The following SUN3 variants were observed in gnomAD, a reference collection of about 807,000 sequenced individuals.
The protein encoded by SUN3 is Sad1 and UNC84 domain containing 3, also known as SUN domain-containing protein 3.
A neutral mutation model predicts 48.2 loss-of-function variants in SUN3; 36 were observed. The observed-to-expected ratio is 0.75, with a 90% confidence interval of 0.57 to 0.99. The LOEUF is 0.99. SUN3 is among the 50% of genes least tolerant of loss of function. The pLI, the probability that SUN3 is intolerant of heterozygous loss-of-function variation, is 0.00. For synonymous variants in SUN3, 148 were observed against 147.9 expected (o/e 1.00, Z 0.00); for missense variants, 419 against 433.1 (o/e 0.97, Z 0.29).
At chr7:48,018,800 G>T (rs1789887151) in intron 2 of SUN3, among the ~76,000 whole-genome samples, 1 of 151,994 alleles carries the variant, frequency 6.6e-6, no homozygotes, top group Non-Finnish European at 1.5e-5. Context: ...AGGAAAGTAT[G>T]GCACATTCAA....
chr7:48,003,932 T>C (rs1241908746), intron 6 of SUN3, among the ~76,000 whole-genome samples: 1 of 152,224 alleles, frequency 6.6e-6, no homozygotes, highest in African/African-American at 2.4e-5. Context: ...GGAGAGGACT[T>C]CTAATACTGT....
intron 3 of SUN3, among the ~76,000 whole-genome samples, chr7:48,016,109 A>T (rs560617087): frequency 6.6e-6 from 1 of 152,070 alleles, no homozygotes; most frequent in African/African-American, 2.4e-5. Flanking sequence ...CCTGCACTAG[A>T]TGGATCAGCT....
intron 1 of SUN3, among the ~76,000 whole-genome samples, chr7:48,026,418 CTG>C (rs1036358427): frequency 6.6e-6 from 1 of 152,062 alleles, no homozygotes; most frequent in African/African-American, 2.4e-5. Context: ...TTTTCCTACT[CTG>C]TGTTGAAGTA....
chr7:48,021,196 T>A (rs111816949), intron 2 of SUN3, among the ~76,000 whole-genome samples: 7 of 152,272 alleles, frequency 4.6e-5, no homozygotes, highest in African/African-American at 1.7e-4. Context: ...CTGGGAAAAC[T>A]AGATATTCAT....
chr7:48,000,754 C>T (rs1184460071), intron 6 of SUN3, among the ~76,000 whole-genome samples: 1 of 151,614 alleles, frequency 6.6e-6, no homozygotes, highest in East Asian at 1.9e-4. Context: ...TAGCTTCTTT[C>T]AAGTATTTTC....
At chr7:48,019,115 T>C (rs1789896192) in intron 2 of SUN3, among the ~76,000 whole-genome samples, 1 of 152,116 alleles carries the variant, frequency 6.6e-6, no homozygotes. Flanking sequence ...GATAGAGCTA[T>C]GAAATTATTG....
At chr7:48,023,846 T>A (rs534040440) in intron 2 of SUN3, among the ~76,000 whole-genome samples, 33 of 152,282 alleles carry the variant, frequency 2.2e-4, no homozygotes, top group Non-Finnish European at 3.8e-4. Context: ...TTCAAAGTAA[T>A]CTTTATCAAA....
intron 4 of SUN3, 123 bp from the exon 5 acceptor site, chr7:48,007,450 T>A: frequency 1.2e-6 from 1 of 860,698 alleles, no homozygotes; most frequent in Non-Finnish European, 1.8e-6. Flanking sequence ...CATTCTTGAG[T>A]GAGGGAAGAG....
chr7:48,022,542 T>C (rs755087373), intron 2 of SUN3, among the ~76,000 whole-genome samples: 6 of 152,036 alleles, frequency 3.9e-5, no homozygotes, highest in Non-Finnish European at 7.4e-5. Flanking sequence ...TAAGTATATA[T>C]ACTATGTACC....
intron 3 of SUN3, among the ~76,000 whole-genome samples, chr7:48,013,442 T>G (rs1789733112): frequency 6.6e-6 from 1 of 152,186 alleles, no homozygotes; most frequent in Non-Finnish European, 1.5e-5. Context: ...AAAAGTAATA[T>G]CAAATCATTG....
Position 48,028,731 on chromosome 7 carries a change from C to T in SUN3, c.122+86G>A, listed in dbSNP as rs1790204181. On this transcript the variant is annotated intron_variant, in intron 1 of 9. Coordinates refer to ENST00000297325, the MANE Select transcript of SUN3 (RefSeq NM_001030019.2). ...AAAGGGAGAAAATACTGTCGGGTAA[C>T]AGGTAACAGATGAACAGACACAAGT... 2.0e-6 allele frequency: 3 copies of T among 1,523,006 alleles called. No individual in the cohort carries two copies. The African/African-American group carries it at 4.2e-5, about 21-fold the overall frequency. 94.3% of individuals were successfully genotyped at this position (1,523,006 alleles called of 1,614,324 possible).
At chr7:48,028,453 C>T (rs952898029) in intron 1 of SUN3, among the ~76,000 whole-genome samples, 3 of 111,350 alleles carry the variant, frequency 2.7e-5, no homozygotes, top group Non-Finnish European at 3.3e-5. Context: ...TGCATACCAC[C>T]AAGACTATAC....
At chr7:48,003,040 T>G (rs1789430423) in intron 6 of SUN3, among the ~76,000 whole-genome samples, 1 of 150,622 alleles carries the variant, frequency 6.6e-6, no homozygotes, top group Admixed American at 6.6e-5. Context: ...TTTTTTTTTT[T>G]GTAGTTTTGG....
chr7:48,003,163 A>G (rs1789434088), intron 6 of SUN3, among the ~76,000 whole-genome samples: 1 of 152,162 alleles, frequency 6.6e-6, no homozygotes, highest in African/African-American at 2.4e-5. Flanking sequence ...AGCACCATTT[A>G]TTGAATAGGA....
chr7:48,011,330 A>G (rs1789677600), intron 3 of SUN3, among the ~76,000 whole-genome samples: 1 of 152,218 alleles, frequency 6.6e-6, no homozygotes, highest in African/African-American at 2.4e-5. Flanking sequence ...GTGCTATACT[A>G]TAAATGTGTT....
intron 3 of SUN3, among the ~76,000 whole-genome samples, chr7:48,015,843 C>G (rs967021591): frequency 3.3e-5 from 5 of 152,214 alleles, no homozygotes; most frequent in Non-Finnish European, 7.3e-5. Flanking sequence ...GTAGGCCAAA[C>G]TAACTTTGGG....
At chr7:47,996,526 A>G (rs1789217194) in intron 6 of SUN3, among the ~76,000 whole-genome samples, 2 of 152,342 alleles carry the variant, frequency 1.3e-5, no homozygotes, top group South Asian at 2.1e-4. Context: ...ATAACAAAAA[A>G]AGCAGAAAAC....
At chr7:48,023,076 C>A (rs1167631099) in intron 2 of SUN3, among the ~76,000 whole-genome samples, 1 of 152,082 alleles carries the variant, frequency 6.6e-6, no homozygotes, top group Non-Finnish European at 1.5e-5. Flanking sequence ...CAATCAAAAT[C>A]TCCAGTAAAG....
At chr7:47,999,239 G>GT (rs1789293054) in intron 6 of SUN3, among the ~76,000 whole-genome samples, 1 of 151,946 alleles carries the variant, frequency 6.6e-6, no homozygotes, top group African/African-American at 2.4e-5. Flanking sequence ...AGTATTTTAT[G>GT]TTTTTTACTG....
Sources: allele counts gnomAD v4.1 joint callset (sites outside exome capture counted in the v4.1 genomes callset), GRCh38; gene constraint gnomAD v4.1.1; transcripts MANE v1.5; gene names NCBI Gene and HGNC (gene_info 2026-07-23, HGNC 2026-07-21).